The following PKHD1 variants were observed in gnomAD, a reference collection of about 807,000 sequenced individuals.
PKHD1 encodes the protein fibrocystin.
In PKHD1, 291 loss-of-function variants were observed where a neutral mutation model predicts 412.0. The ratio of observed to expected loss-of-function variants is 0.71; its 90% CI spans 0.64 to 0.78. The LOEUF (loss-of-function observed/expected upper bound fraction) is 0.78, where lower values mean the gene tolerates loss of function less well. PKHD1 is among the 30% of genes least tolerant of loss of function. PKHD1 has a pLI of 0.00. For missense variants in PKHD1, 4,825 were observed against 4,950.7 expected (o/e 0.97, Z 0.76); for synonymous variants, 1,777 against 1,821.5 (o/e 0.98, Z 0.62).
chr6:52,085,016 T>G lies in PKHD1; in HGVS notation c.-83A>C. 1 of 961,300 alleles carries G rather than the reference T, an allele frequency of 1.0e-6. No homozygotes were observed. 59.5% of individuals were successfully genotyped at this position (961,300 alleles called of 1,614,324 possible). A position where few individuals can be genotyped will look rare whatever the true frequency, so the allele number is the denominator to read the frequency against. On this transcript the variant is annotated splice_region_variant and 5_prime_UTR_variant, in exon 2 of 67. Transcript: ENST00000371117. ...TTTGATTGGAGCAGCATAGCTTTTG[T>G]GCTTTATAAAAACAAAAAAAGCAAA...
intron 36 of PKHD1, among the ~76,000 whole-genome samples, chr6:51,939,695 A>G (rs1461440671): frequency 6.6e-6 from 1 of 151,304 alleles, no homozygotes; most frequent in Non-Finnish European, 1.5e-5. Flanking sequence ...TCTGTTCCCA[A>G]TGCGACTCAT....
chr6:51,955,659 A>G (rs1419804680), intron 36 of PKHD1, among the ~76,000 whole-genome samples: 1 of 152,076 alleles, frequency 6.6e-6, no homozygotes, highest in Admixed American at 6.6e-5. Context: ...TTCCAAATGT[A>G]GTTCTTAGGT....
chr6:51,762,558 C>G (rs1454957339), intron 55 of PKHD1, among the ~76,000 whole-genome samples: 1 of 151,834 alleles, frequency 6.6e-6, no homozygotes, highest in Non-Finnish European at 1.5e-5. Context: ...AAATATCTTG[C>G]TAAGCTTACT....
At chr6:51,817,446 C>CA (rs1765652591) in intron 52 of PKHD1, among the ~76,000 whole-genome samples, 1 of 152,086 alleles carries the variant, frequency 6.6e-6, no homozygotes, top group South Asian at 2.1e-4. Context: ...AAGGAGCTGC[C>CA]ACACACTACT....
chr6:51,734,843 C>T (rs985030556), intron 60 of PKHD1, among the ~76,000 whole-genome samples: 6 of 152,082 alleles, frequency 3.9e-5, no homozygotes, highest in African/African-American at 1.2e-4. Context: ...TATAAGTAAT[C>T]GACACACGAT....
rs56375928 is a variant in PKHD1 at position 51,789,581 on chromosome 6, G to GAA, written c.8440+1653_8440+1654dup. ...TGTGTGCATGTGTATGTATGTGTAA[G>GAA]AAAAAAAATGACTTTGAGATAAAAC... is the stretch of plus-strand genomic sequence containing the variant. On this transcript the variant is annotated intron_variant, in intron 53 of 66. Coordinates refer to ENST00000371117, the MANE Select transcript of PKHD1 (RefSeq NM_138694.4). Among the ~76,000 whole-genome samples, 26 of 151,624 alleles carry GAA rather than the reference G, an allele frequency of 1.7e-4. No individual in the cohort carries two copies. The East Asian group carries it at 1.9e-3, about 11-fold the overall frequency.
At chr6:51,980,526 AC>A (rs1468306269) in intron 35 of PKHD1, among the ~76,000 whole-genome samples, 1 of 152,218 alleles carries the variant, frequency 6.6e-6, no homozygotes, top group Non-Finnish European at 1.5e-5. Context: ...ACTGTGCTAG[AC>A]CCTTAGGATA....
At position 51,957,062 on chromosome 6, in the gene PKHD1, T is replaced by G. The variant is rs181468409; in HGVS notation, c.5908+2808A>C. ...GCCAAATATCCATTACTTAAACCCA[T>G]GAAGCCTTATTTTCCTGTCACAAAA... On this transcript the variant is annotated intron_variant, in intron 36 of 66. Coordinates refer to ENST00000371117, the MANE Select transcript of PKHD1 (RefSeq NM_138694.4). Among the ~76,000 whole-genome samples the G allele has an allele frequency of 2.6e-3, 397 of 152,218 alleles. 1 individual carries two copies. The highest frequency in any genetic ancestry group is 4.6e-3 in the Non-Finnish European group (312 of 67,988).
chr6:51,830,736 T>C, intron 52 of PKHD1, 125 bp downstream of exon 52: 2 of 910,454 alleles, frequency 2.2e-6, no homozygotes, highest in Non-Finnish European at 3.5e-6. Context: ...AGAGGAAGAA[T>C]GAAACAACAT....
intron 33 of PKHD1, 24 bp downstream of exon 33, chr6:52,022,777 T>C (rs1801586480): frequency 6.2e-7 from 1 of 1,611,028 alleles, no homozygotes; most frequent in Non-Finnish European, 8.5e-7. Context: ...CTTTAAAATA[T>C]ATGTGTGTGG....
At chr6:51,851,779 T>G (rs957222126) in intron 49 of PKHD1, among the ~76,000 whole-genome samples, 6 of 152,078 alleles carry the variant, frequency 3.9e-5, no homozygotes, top group African/African-American at 1.4e-4. Context: ...TTTTATTGTT[T>G]CTATTTGACT....
rs772188391 is a variant in PKHD1, at chr6:51,754,929, T to C, written c.8652A>G (p.Val2884=). The C allele has an allele frequency of 1.2e-6, 2 of 1,612,868 alleles. No individual in the cohort carries two copies. Among genetic ancestry groups the C allele is most frequent in the South Asian group, 2.2e-5 (2 of 91,076 alleles). Residue 2884 remains valine (V), a synonymous_variant, in exon 56 of 67, where the codon GTA becomes GTG. Transcript: ENST00000371117. ...DIASGNERII[V]EDAVDWRPHD... is the part of the protein sequence containing the mutation. ...GGGGGCGCCAATCCACTGCATCTTC[T>C]ACTATAATTCTGTAACAGCATAACA...
At chr6:51,955,847 C>G (rs1791046062) in intron 36 of PKHD1, among the ~76,000 whole-genome samples, 2 of 151,948 alleles carry the variant, frequency 1.3e-5, no homozygotes, top group African/African-American at 4.8e-5. Flanking sequence ...CAGGCTTTAT[C>G]TAAGCCTGCA....
chr6:51,691,857 T>G (rs1431068245), intron 60 of PKHD1, among the ~76,000 whole-genome samples: 1 of 152,154 alleles, frequency 6.6e-6, no homozygotes, highest in Admixed American at 6.6e-5. Context: ...GATGTGCCTT[T>G]CAGCATTCAC....
intron 52 of PKHD1, among the ~76,000 whole-genome samples, chr6:51,795,633 T>C (rs1794479780): frequency 6.6e-6 from 1 of 152,266 alleles, no homozygotes; most frequent in African/African-American, 2.4e-5. Context: ...CTTCTGGCTT[T>C]TGCCCATTCA....
At chr6:52,066,774 C>T (rs1466307400) in intron 11 of PKHD1, among the ~76,000 whole-genome samples, 1 of 152,078 alleles carries the variant, frequency 6.6e-6, no homozygotes, top group East Asian at 1.9e-4. Context: ...GTGGTGTGCA[C>T]CTGTAATCCC....
At chr6:51,818,453 C>T (rs142741896) in intron 52 of PKHD1, among the ~76,000 whole-genome samples, 1 of 152,274 alleles carries the variant, frequency 6.6e-6, no homozygotes, top group East Asian at 1.9e-4. Flanking sequence ...ACTAGACAGA[C>T]TCAGGGAATC....
chr6:51,741,459 G>C (rs1784543408), intron 60 of PKHD1, among the ~76,000 whole-genome samples: 1 of 152,018 alleles, frequency 6.6e-6, no homozygotes, highest in South Asian at 2.1e-4. Context: ...CCTGTGTTCA[G>C]AGAAAGCCAA....
chr6:51,851,914 CTCCGA>C (rs1562463210), intron 49 of PKHD1, among the ~76,000 whole-genome samples: 1 of 151,970 alleles, frequency 6.6e-6, no homozygotes, highest in Non-Finnish European at 1.5e-5. Flanking sequence ...TTCAATTCTT[CTCCGA>C]TCTTAGTTAT....
Sources: allele counts gnomAD v4.1 joint callset (sites outside exome capture counted in the v4.1 genomes callset), GRCh38; gene constraint gnomAD v4.1.1; transcripts MANE v1.5; gene names NCBI Gene and HGNC (gene_info 2026-07-23, HGNC 2026-07-21).